C3orf22: variants seen among roughly 807,000 people sequenced by gnomAD.
C3orf22 encodes the protein uncharacterized protein C3orf22.
A neutral mutation model predicts 10.8 loss-of-function variants in C3orf22; 7 were observed. The observed-to-expected ratio is 0.65, with a 90% CI of 0.37 to 1.22. The LOEUF is 1.22. Among genes scored for constraint, C3orf22 ranks in the 50% most tolerant of loss-of-function variants. The probability of loss-of-function intolerance (pLI) is 0.02; values close to 1 mark genes in which losing one functional copy is unlikely to be tolerated. For missense variants in C3orf22, 173 were observed against 177.0 expected (o/e 0.98, Z 0.13); for synonymous variants, 79 against 78.9 (o/e 1.00, Z 0.00).
chr3:126,548,353 G>A (rs987571997), downstream of C3orf22, among the ~76,000 whole-genome samples: 5 of 152,230 alleles, frequency 3.3e-5, no homozygotes, highest in Non-Finnish European at 5.9e-5. Flanking sequence ...GGCAGGGTAC[G>A]AGGGACTCAG....
intron 4 of C3orf22, chr3:126,536,363 C>T (rs1367130318): frequency 6.2e-7 from 1 of 1,609,798 alleles, no homozygotes; most frequent in East Asian, 2.2e-5. Context: ...GGTAGGTGGA[C>T]AGACCCTCGA....
downstream of C3orf22, among the ~76,000 whole-genome samples, chr3:126,548,021 A>T (rs1423927389): frequency 6.6e-6 from 1 of 152,238 alleles, no homozygotes; most frequent in Non-Finnish European, 1.5e-5. Context: ...AATTGAAAAA[A>T]GCAAACAATG....
At chr3:126,535,124 GAGAC>G (rs1231255537) in intron 4 of C3orf22, among the ~76,000 whole-genome samples, 6 of 125,704 alleles carry the variant, frequency 4.8e-5, no homozygotes, top group Admixed American at 1.7e-4. Context: ...TCCTCAGCTG[GAGAC>G]AGACAGACAG....
At chr3:126,541,909 C>T in intron 4 of C3orf22, 1 of 1,600,316 alleles carries the variant, frequency 6.2e-7, no homozygotes, top group Non-Finnish European at 8.5e-7. Context: ...CCTGCACCAA[C>T]TGGAAGCGCG....
At chr3:126,540,640 T>A (rs1936938811) in intron 4 of C3orf22, among the ~76,000 whole-genome samples, 1 of 152,254 alleles carries the variant, frequency 6.6e-6, no homozygotes. Flanking sequence ...CAGTGCACAC[T>A]TGGATTTTCT....
At chr3:126,547,324 G>A (rs554654873), downstream of C3orf22, among the ~76,000 whole-genome samples, 5 of 152,300 alleles carry the variant, frequency 3.3e-5, no homozygotes, top group African/African-American at 1.2e-4. Flanking sequence ...GCTGTCACCC[G>A]CTCCTCTGCA....
rs1296314042 is a variant in C3orf22, at chr3:126,539,829, ACACACACAC to A, written c.286+9699_286+9707del. 2.6e-3 allele frequency among the ~76,000 whole-genome samples: 198 copies of A among 75,302 alleles called. 7 individuals carry two copies. The highest frequency in any genetic ancestry group is 6.7e-3 in the African/African-American group (79 of 11,770). 49.4% of individuals were successfully genotyped at this position (75,302 alleles called of 152,430 possible). ...ACCACACACCACAAACACACATACCACACACACACCACACACATCACACACACACACCCC... is the reference window on the plus strand; with the variant it reads ...ACCACACACCACAAACACACATACCACACACACATCACACACACACACCCC... On this transcript the variant is annotated intron_variant and NMD_transcript_variant, in intron 4 of 5. Coordinates refer to the C3orf22 transcript ENST00000505070.
Position 126,549,967 on chromosome 3 carries a change from G to T in C3orf22, c.327C>A (p.Arg109=), listed in dbSNP as rs373556472. The T allele has an allele frequency of 2.7e-5, 43 of 1,614,064 alleles. No homozygotes were observed. Among genetic ancestry groups the T allele is most frequent in the Non-Finnish European group, 3.4e-5 (40 of 1,180,054 alleles). ...GCAGGAAGGCGAGTTGTCTGGGGAAGCGGCGACTCAGCAACTTGAGTTCCC... is the reference window on the plus strand; with the variant it reads ...GCAGGAAGGCGAGTTGTCTGGGGAATCGGCGACTCAGCAACTTGAGTTCCC... ...NLWELKLLSR[R]FPRQLAFLLS... The change falls in exon 4 of 4, where the codon CGC becomes CGA. Residue 109 remains arginine (R), a synonymous_variant. Coordinates refer to ENST00000318225, the MANE Select transcript of C3orf22 (RefSeq NM_152533.3).
chr3:126,536,491 T>G, intron 4 of C3orf22: 1 of 635,682 alleles, frequency 1.6e-6, no homozygotes. Flanking sequence ...AACCAGGCTT[T>G]GTCAGAGAGC....
At chr3:126,551,077 C>T (rs545200385) in intron 3 of C3orf22, among the ~76,000 whole-genome samples, 16 of 152,340 alleles carry the variant, frequency 1.1e-4, no homozygotes, top group South Asian at 2.1e-4. Context: ...AAGGCCAGGG[C>T]CGTTTGTGTG....
chr3:126,549,469 A>T, downstream of C3orf22: 18 of 474,310 alleles, frequency 3.8e-5, 1 homozygote, highest in South Asian at 2.7e-4. Context: ...AGTGTTTAGC[A>T]AACAGTTTAG....
At chr3:126,553,784 T>C (rs944203733) in intron 1 of C3orf22, among the ~76,000 whole-genome samples, 37 of 152,198 alleles carry the variant, frequency 2.4e-4, no homozygotes, top group Non-Finnish European at 5.1e-4. Flanking sequence ...GGTGTGTTTC[T>C]GAGACTGGCT....
chr3:126,540,454 C>T (rs144946835), intron 4 of C3orf22, among the ~76,000 whole-genome samples: 92 of 152,306 alleles, frequency 6.0e-4, no homozygotes, highest in African/African-American at 2.2e-3. Context: ...GATGTGACTG[C>T]TCTAGGGACC....
chr3:126,535,124 GA>G (rs1936749389), intron 4 of C3orf22, among the ~76,000 whole-genome samples: 2 of 125,700 alleles, frequency 1.6e-5, no homozygotes, highest in Admixed American at 8.3e-5. Context: ...TCCTCAGCTG[GA>G]GACAGACAGA....
In C3orf22 at chr3:126,552,817, C is replaced by A. The variant is rs145287445; in HGVS notation, c.89+485G>T. 5.3e-5 allele frequency among the ~76,000 whole-genome samples: 8 copies of A among 152,360 alleles called. No homozygotes were observed. In the South Asian group the frequency reaches 1.4e-3, roughly 28 times the overall value. ...TGCGGGTGGGAGGCCAGCTGCCCTG[C>A]GCCCCAGGCATTGCTGGCAAGATTT... On this transcript the variant is annotated intron_variant, in intron 2 of 3. Transcript: ENST00000318225.
chr3:126,542,068 C>A (rs1457529186), intron 4 of C3orf22: 5 of 1,582,224 alleles, frequency 3.2e-6, no homozygotes, highest in Non-Finnish European at 4.3e-6. Context: ...CCTTCCTGTT[C>A]GTGCGGGAGC....
At position 126,541,568 on chromosome 3, in the gene C3orf22, G is replaced by A. The variant is rs536191113; in HGVS notation, c.286+7969C>T. 2.6e-5 allele frequency among the ~76,000 whole-genome samples: 4 copies of A among 152,302 alleles called. No individual in the cohort carries two copies. In the South Asian group the frequency reaches 6.2e-4, roughly 24 times the overall value. ...ATCTCGGCCCAGGACAGATGCCCGG[G>A]CCCTAAACCACACAGTGATCAGTGA... On this transcript the variant is annotated intron_variant and NMD_transcript_variant, in intron 4 of 5. Transcript: ENST00000505070.
In C3orf22 at chr3:126,530,566, G is replaced by A. The variant is rs7610155; in HGVS notation, c.287-1194C>T. 5.8e-3 allele frequency among the ~76,000 whole-genome samples: 879 copies of A among 152,348 alleles called. 10 individuals carry two copies. Among genetic ancestry groups the A allele is most frequent in the African/African-American group, 0.02 (813 of 41,582 alleles). ...GGACACGTCTCATCTGCAACACGGC[G>A]AGAAGGCCTGGCCTCCTCTCATGGG... On this transcript the variant is annotated intron_variant and NMD_transcript_variant, in intron 4 of 5. Transcript: ENST00000505070.
At chr3:126,555,211 G>T (rs1393648580) in intron 1 of C3orf22, among the ~76,000 whole-genome samples, 2 of 152,182 alleles carry the variant, frequency 1.3e-5, no homozygotes, top group African/African-American at 4.8e-5. Context: ...TCCTCTCTCA[G>T]GAAGGCCAGC....
Sources: allele counts gnomAD v4.1 joint callset (sites outside exome capture counted in the v4.1 genomes callset), GRCh38; gene constraint gnomAD v4.1.1; transcripts MANE v1.5; gene names NCBI Gene and HGNC (gene_info 2026-07-23, HGNC 2026-07-21).